The following DNAJC17 variants were observed in gnomAD, a reference collection of about 807,000 sequenced individuals.
DNAJC17 encodes the protein dnaJ homolog subfamily C member 17.
Under a neutral mutation model 48.1 loss-of-function variants are expected in DNAJC17, and 35 were observed. That is an observed-to-expected ratio of 0.73 (90% confidence interval 0.56 to 0.96). The LOEUF (loss-of-function observed/expected upper bound fraction) is 0.96. Ranked by LOEUF, DNAJC17 falls within the 50% of genes least tolerant of loss-of-function variation. DNAJC17 has a pLI of 0.00. For missense variants in DNAJC17, 355 were observed against 377.1 expected (o/e 0.94, Z 0.48); for synonymous variants, 117 against 142.7 (o/e 0.82, Z 1.28).
intron 2 of DNAJC17, 102 bp from the exon 3 acceptor site, chr15:40,779,705 G>GACATCAC: frequency 1.5e-6 from 2 of 1,358,888 alleles, no homozygotes; most frequent in South Asian, 1.3e-5. Flanking sequence ...GTCACAGGAT[G>GACATCAC]GCAGACAAGC....
chr15:40,802,845 A>G (rs1333044573), intron 1 of DNAJC17, among the ~76,000 whole-genome samples: 2 of 152,180 alleles, frequency 1.3e-5, no homozygotes, highest in Admixed American at 1.3e-4. Context: ...GCTCATGCCT[A>G]TAACCCAAAC....
chr15:40,768,131 G>C, intron 10 of DNAJC17, 69 bp from the exon 11 acceptor site: 1 of 1,468,828 alleles, frequency 6.8e-7, no homozygotes, highest in Non-Finnish European at 9.0e-7. Context: ...CTCCGAGTAC[G>C]GTGCCGAGGC....
chr15:40,768,115 C>G, intron 10 of DNAJC17, 53 bp from the exon 11 acceptor site: 1 of 1,490,830 alleles, frequency 6.7e-7, no homozygotes, highest in Non-Finnish European at 8.9e-7. Flanking sequence ...GGCACAGCCT[C>G]ACAGACTCCG....
chr15:40,773,046 T>G (rs1332303335), intron 10 of DNAJC17, among the ~76,000 whole-genome samples: 1 of 151,188 alleles, frequency 6.6e-6, no homozygotes, highest in African/African-American at 2.4e-5. Flanking sequence ...CTGCAACCTC[T>G]GCCTCCCTGG....
At chr15:40,788,383 C>T (rs957996802) in intron 1 of DNAJC17, among the ~76,000 whole-genome samples, 25 of 152,134 alleles carry the variant, frequency 1.6e-4, no homozygotes, top group Non-Finnish European at 3.4e-4. Flanking sequence ...GGCAACAAAG[C>T]GAACCCCACC....
intron 1 of DNAJC17, among the ~76,000 whole-genome samples, chr15:40,788,878 TA>T (rs921110227): frequency 2.6e-5 from 4 of 151,848 alleles, no homozygotes; most frequent in African/African-American, 9.7e-5. Flanking sequence ...CATAAATAAA[TA>T]AAAATAAAAG....
rs1442177270 is a variant in DNAJC17 at position 40,765,644 on chromosome 15, C to T, written c.*2296G>A. ...ACTAGGGAGGGCGCCTACATTGCTC[C>T]TCCTGATCATTGATGGGCTCCACCC... On this transcript the variant is annotated 3_prime_UTR_variant, in exon 11 of 11. Coordinates refer to ENST00000220496, the MANE Select transcript of DNAJC17 (RefSeq NM_018163.3). The T allele has an allele frequency of 5.1e-6, 2 of 395,514 alleles. No homozygotes were observed. Among genetic ancestry groups the T allele is most frequent in the Non-Finnish European group, 9.0e-6 (2 of 222,416 alleles). The allele number at this position is 395,514 out of a possible 1,614,324, so 24.5% of individuals were successfully genotyped here.
At position 40,775,720 on chromosome 15, in the gene DNAJC17, C is replaced by T. The variant is rs1163090646; in HGVS notation, c.479-124G>A. 7.1e-6 allele frequency: 7 copies of T among 981,408 alleles called. No homozygotes were observed. The Admixed American group carries it at 7.6e-5, about 11-fold the overall frequency. 60.8% of individuals were successfully genotyped at this position (981,408 alleles called of 1,614,324 possible). ...ACTCCTGACCAAGGGCAATGCCTGC[C>T]CAGCTCTGGTGAGGGCCTGGTGGGG... On this transcript the variant is annotated intron_variant, in intron 6 of 10. Transcript: ENST00000220496.
chr15:40,772,637 G>A (rs1447038696), intron 10 of DNAJC17, among the ~76,000 whole-genome samples: 1 of 152,234 alleles, frequency 6.6e-6, no homozygotes, highest in East Asian at 1.9e-4. Flanking sequence ...GAGCAGGCTG[G>A]CGTGGGTAAA....
intron 1 of DNAJC17, among the ~76,000 whole-genome samples, chr15:40,794,756 C>T (rs368127031): frequency 7.2e-5 from 11 of 152,144 alleles, no homozygotes; most frequent in African/African-American, 2.4e-4. Context: ...CTTGCTCTGT[C>T]GCCCAGGCTG....
intron 1 of DNAJC17, among the ~76,000 whole-genome samples, chr15:40,789,885 GAC>G (rs1466866425): frequency 2.2e-5 from 2 of 89,256 alleles, no homozygotes; most frequent in Non-Finnish European, 4.0e-5. Flanking sequence ...CAGCCTGGGA[GAC>G]AGAGACAGAC....
At position 40,795,172 on chromosome 15, in the gene DNAJC17, G is replaced by A. The variant is rs117311319; in HGVS notation, c.78+12197C>T. Among the ~76,000 whole-genome samples the A allele has an allele frequency of 3.2e-3, 480 of 151,868 alleles. 13 individuals are homozygous for A. In the East Asian group the frequency reaches 0.067, roughly 21 times the overall value. ...CACGCCTGTGATCCCAACACTTTAG[G>A]AGGCCGAGGCGGGAGGATTGCTTCC... On this transcript the variant is annotated intron_variant, in intron 1 of 10. Transcript: ENST00000220496.
intron 4 of DNAJC17, 126 bp from the exon 5 acceptor site, chr15:40,776,753 C>G: frequency 1.1e-6 from 1 of 874,588 alleles, no homozygotes; most frequent in African/African-American, 1.6e-5. Context: ...AACTCTGCCC[C>G]CTCCCTCCAT....
At chr15:40,782,982 C>T (rs940449238) in intron 1 of DNAJC17, among the ~76,000 whole-genome samples, 4 of 152,194 alleles carry the variant, frequency 2.6e-5, no homozygotes, top group African/African-American at 9.7e-5. Context: ...GCCTGCTCAC[C>T]TCCCACCCTA....
At chr15:40,798,909 A>AGT (rs1890003967) in intron 1 of DNAJC17, among the ~76,000 whole-genome samples, 1 of 151,918 alleles carries the variant, frequency 6.6e-6, no homozygotes, top group South Asian at 2.1e-4. Context: ...CCGCCTTGTG[A>AGT]GTGTGTGTGT....
At chr15:40,792,826 T>G (rs1183909476) in intron 1 of DNAJC17, among the ~76,000 whole-genome samples, 1 of 152,074 alleles carries the variant, frequency 6.6e-6, no homozygotes, top group Non-Finnish European at 1.5e-5. Flanking sequence ...GTGGAAAATT[T>G]TGTAACCTCT....
chr15:40,798,240 C>T (rs1329815979), intron 1 of DNAJC17, among the ~76,000 whole-genome samples: 6 of 152,152 alleles, frequency 3.9e-5, no homozygotes, highest in African/African-American at 1.4e-4. Context: ...ATAAGCCTGA[C>T]ACAAAAGGAC....
chr15:40,768,185 G>T, intron 10 of DNAJC17, 123 bp from the exon 11 acceptor site: 1 of 1,305,726 alleles, frequency 7.7e-7, no homozygotes, highest in East Asian at 2.9e-5. Context: ...GGCAGAGGAA[G>T]GGAAGGAACC....
intron 1 of DNAJC17, among the ~76,000 whole-genome samples, chr15:40,800,072 TTTTG>T (rs1483374072): frequency 8.5e-5 from 13 of 152,094 alleles, no homozygotes; most frequent in East Asian, 1.9e-4. Flanking sequence ...CACAACATGT[TTTTG>T]TTTGTTTGTT....
Sources: gnomAD v4.1 joint callset for allele counts (sites outside exome capture counted in the v4.1 genomes callset) on GRCh38, gnomAD v4.1.1 for gene constraint, MANE v1.5 for transcripts, NCBI Gene and HGNC (gene_info 2026-07-23, HGNC 2026-07-21) for gene names.